Variants in NEB observed in about 807,000 individuals in gnomAD.
NEB encodes nebulin, also known as nemaline myopathy type 2.
NEB carries 512 observed loss-of-function variants against 952.2 expected under a neutral mutation model. That is an observed-to-expected ratio of 0.54 (90% CI 0.50 to 0.58). The LOEUF is 0.58. NEB is among the 20% of genes least tolerant of loss of function. The pLI is 0.00. For missense variants in NEB, 8,428 were observed against 9,231.1 expected (o/e 0.91, Z 3.56); for synonymous variants, 2,900 against 3,149.8 (o/e 0.92, Z 2.66).
intron 28 of NEB, among the ~76,000 whole-genome samples, chr2:151,683,870 A>T (rs2099456135): frequency 6.6e-6 from 1 of 152,338 alleles, no homozygotes; most frequent in Non-Finnish European, 1.5e-5. Context: ...ATACAATAGA[A>T]TATTATTCAC....
chr2:151,521,820 T>G (rs2082166808), intron 153 of NEB, among the ~76,000 whole-genome samples: 1 of 152,236 alleles, frequency 6.6e-6, no homozygotes, highest in African/African-American at 2.4e-5. Flanking sequence ...ATGCAGCTTT[T>G]TACAACTACT....
intron 73 of NEB, 42 bp downstream of exon 73, chr2:151,619,409 G>T (rs753408606): frequency 6.5e-7 from 1 of 1,536,964 alleles, no homozygotes; most frequent in East Asian, 2.3e-5. Context: ...ACACGTTTCA[G>T]ATCCGCTTTT....
chr2:151,686,257 AG>A (rs2099497512), intron 27 of NEB, among the ~76,000 whole-genome samples: 2 of 152,232 alleles, frequency 1.3e-5, no homozygotes, highest in South Asian at 4.1e-4. Context: ...CTTTTTAAAA[AG>A]CCATTCATAT....
intron 153 of NEB, among the ~76,000 whole-genome samples, chr2:151,522,228 T>A (rs1396375410): frequency 6.6e-6 from 1 of 152,206 alleles, no homozygotes; most frequent in African/African-American, 2.4e-5. Context: ...TGAATTGAGA[T>A]GTATACTGGT....
Position 151,485,899 on chromosome 2 carries a change from G to A in NEB, c.25439C>T (p.Ala8480Val). ...CTTGAAGGACACCTCATCTGCATCAGCAGCCATATAGTCATACATGGCACG... is the reference window on the plus strand; with the variant it reads ...CTTGAAGGACACCTCATCTGCATCAACAGCCATATAGTCATACATGGCACG... Reference protein sequence around the residue: ...IFRAMYDYMAADADEVSFKDG... With the variant: ...IFRAMYDYMAVDADEVSFKDG... The change falls in exon 182 of 182, where the codon GCT (alanine) becomes GTT (valine). Residue 8480 changes from alanine (A) to valine (V), a missense_variant. Physicochemically the swap from Ala to Val is moderately conservative, Grantham distance 64 (BLOSUM62 0). This residue lies in a region of NEB where 3,374 missense variants were observed against 3,651.5 expected (regional missense o/e 0.92). Transcript: ENST00000397345. 6.2e-7 allele frequency: 1 copy of A among 1,613,948 alleles called. No individual in the cohort carries two copies. Among genetic ancestry groups the A allele is most frequent in the Non-Finnish European group, 8.5e-7 (1 of 1,179,860 alleles).
Position 151,678,169 on chromosome 2 carries a change from A to T in NEB, c.3274T>A (p.Tyr1092Asn). 1.2e-6 allele frequency: 2 copies of T among 1,608,178 alleles called. No homozygotes were observed. Among genetic ancestry groups the T allele is most frequent in the Non-Finnish European group, 1.7e-6 (2 of 1,176,834 alleles). ...ACCATTTTCCCTTTAGCCTTTTCAT[A>T]GTCTTTTTTGTACTGAACCTATTGT... ...AASDVQYKKD[Y>N]EKAKGKMVGF... The change falls in exon 33 of 182, where the codon TAT becomes AAT. Residue 1092 changes from tyrosine to asparagine, a missense_variant. Physicochemically the swap from Tyr to Asn is moderately radical, Grantham distance 143. Around this residue, in one of 11 missense-constraint regions of NEB, gnomAD observed 2,851 missense variants for 2,791.5 expected, o/e 1.02. Transcript: ENST00000397345.
chr2:151,608,851 C>T (rs556896885), intron 81 of NEB, among the ~76,000 whole-genome samples, 175 bp from the exon 82 acceptor site: 3 of 91,214 alleles, frequency 3.3e-5, no homozygotes, highest in African/African-American at 8.2e-5. Context: ...TGCAGTGAGC[C>T]GAGACTGTGC....
chr2:151,561,099 T>G lies in NEB; in HGVS notation c.19111A>C (p.Lys6371Gln), dbSNP rs1379234218. Reference protein sequence around the residue: ...SGINASEVKYKENYHQIKDKY... With the variant: ...SGINASEVKYQENYHQIKDKY... Reference sequence around the variant, plus strand: ...TCCTTAATCTGATGATAATTTTCTTTATATTTTACCTGTAGACAAGCAACA... The same window carrying G: ...TCCTTAATCTGATGATAATTTTCTTGATATTTTACCTGTAGACAAGCAACA... The change falls in exon 123 of 182, where the codon AAA (lysine) becomes CAA (glutamine). Residue 6371 changes from lysine to glutamine, a missense_variant. Physicochemically the swap from Lys to Gln is moderately conservative, Grantham distance 53. Coordinates refer to ENST00000397345, the MANE Select transcript of NEB (RefSeq NM_001164508.2). 1.9e-6 allele frequency: 3 copies of G among 1,586,914 alleles called. No homozygotes were observed. The highest frequency in any genetic ancestry group is 2.6e-6 in the Non-Finnish European group (3 of 1,162,032).
intron 146 of NEB, among the ~76,000 whole-genome samples, chr2:151,528,995 T>A (rs1371884437): frequency 6.6e-6 from 1 of 152,218 alleles, no homozygotes; most frequent in Non-Finnish European, 1.5e-5. Flanking sequence ...ATCCATGGCA[T>A]GGGATGAAGC....
rs1022255644 is a variant in NEB, at chr2:151,570,283, T to C, written c.17228A>G (p.Asn5743Ser). 5 of 1,613,528 alleles carry C rather than the reference T, an allele frequency of 3.1e-6. No homozygotes were observed. The highest frequency in any genetic ancestry group is 2.5e-6 in the Non-Finnish European group (3 of 1,179,590). The stretch of plus-strand genomic sequence containing the variant: ...CCAGTCCAGCCGGTACTCTCGTTCA[T>C]TCTGGAGCTTGTCAGCTATGAGGGC... ...RWALIADKLQ[N>S]EREYRLDWAK... is the part of the protein sequence containing the mutation. The change falls in exon 109 of 182, where the codon AAT becomes AGT. Residue 5743 changes from asparagine to serine, a missense_variant. By Grantham distance (46) the Asn-to-Ser change is conservative. Coordinates refer to ENST00000397345, the MANE Select transcript of NEB (RefSeq NM_001164508.2).
At chr2:151,704,960 T>G (rs2099699088) in intron 13 of NEB, among the ~76,000 whole-genome samples, 1 of 152,186 alleles carries the variant, frequency 6.6e-6, no homozygotes, top group Admixed American at 6.5e-5. Flanking sequence ...TCTTGTGTAT[T>G]TGTAAATTGC....
intron 145 of NEB, 47 bp downstream of exon 145, chr2:151,530,947 G>T: frequency 7.8e-7 from 1 of 1,279,682 alleles, no homozygotes; most frequent in Non-Finnish European, 1.1e-6. Context: ...CATCTCATTA[G>T]AAGGAGGCCA....
chr2:151,525,370 C>T, intron 150 of NEB, 97 bp from the exon 151 acceptor site: 1 of 881,276 alleles, frequency 1.1e-6, no homozygotes, highest in Admixed American at 2.1e-5. Flanking sequence ...ATCCATGCTC[C>T]CCATTTTGGC....
intron 63 of NEB, among the ~76,000 whole-genome samples, chr2:151,638,223 A>G (rs915242588): frequency 3.3e-5 from 5 of 152,256 alleles, no homozygotes; most frequent in African/African-American, 9.6e-5. Context: ...GTGCACCAGC[A>G]GTGACAGCTG....
chr2:151,498,810 T>G (rs549612614), intron 169 of NEB, among the ~76,000 whole-genome samples: 2 of 151,932 alleles, frequency 1.3e-5, no homozygotes, highest in Admixed American at 1.3e-4. Context: ...TCAAAAGAAG[T>G]CAGAGTATTT....
rs367851383 is a variant in NEB at position 151,560,671 on chromosome 2, A to C, written c.19235T>G (p.Val6412Gly). 2 of 1,611,700 alleles carry C rather than the reference A, an allele frequency of 1.2e-6. No individual in the cohort carries two copies. The highest frequency in any genetic ancestry group is 1.7e-6 in the Non-Finnish European group (2 of 1,179,072). Residue 6412 changes from valine to glycine, a missense_variant, in exon 124 of 182, where the codon GTG becomes GGG. Physicochemically the swap from Val to Gly is moderately radical, Grantham distance 109 (BLOSUM62 -3). Coordinates refer to ENST00000397345, the MANE Select transcript of NEB (RefSeq NM_001164508.2). ...AGGCAGGATGTAGCTGGTGGCTTTCACTCTATCCCAGGCCTCCTTGTACAG... is the reference window on the plus strand; with the variant it reads ...AGGCAGGATGTAGCTGGTGGCTTTCCCTCTATCCCAGGCCTCCTTGTACAG... The part of the protein sequence containing the change: ...SNLYKEAWDR[V>G]KATSYILPSS...
Position 151,519,784 on chromosome 2 carries a change from A to G in NEB, c.22480-16T>C, listed in dbSNP as rs780625904. 17 of 1,510,312 alleles carry G rather than the reference A, an allele frequency of 1.1e-5. No homozygotes were observed. Among genetic ancestry groups the G allele is most frequent in the South Asian group, 2.3e-5 (2 of 88,788 alleles). The allele number at this position is 1,510,312 out of a possible 1,614,324, so 93.6% of individuals were successfully genotyped here. A position where few individuals can be genotyped will look rare whatever the true frequency, so the allele number is the denominator to read the frequency against. The stretch of plus-strand genomic sequence containing the variant: ...GGTATTTAACCTAACAGCAAATGCA[A>G]ACATCCAAATTATTCCTGGACATCA... On this transcript the variant is annotated splice_polypyrimidine_tract_variant and intron_variant, in intron 153 of 181. Coordinates refer to ENST00000397345, the MANE Select transcript of NEB (RefSeq NM_001164508.2).
chr2:151,509,368 G>C (rs1210785884), intron 161 of NEB, among the ~76,000 whole-genome samples: 2 of 151,532 alleles, frequency 1.3e-5, no homozygotes, highest in Middle Eastern at 3.4e-3. Context: ...AGAAACAATC[G>C]TCCTTTTATT....
At chr2:151,667,677 G>A (rs532370784) in intron 40 of NEB, 127 bp downstream of exon 40, 5 of 581,876 alleles carry the variant, frequency 8.6e-6, no homozygotes, top group African/African-American at 1.9e-5. Flanking sequence ...ACAGGTACAC[G>A]CCACCACATC....
Sources: gnomAD v4.1 joint callset for allele counts (sites outside exome capture counted in the v4.1 genomes callset) on GRCh38, gnomAD v4.1.1 for gene constraint, gnomAD v4.1.1 regional missense constraint, MANE v1.5 for transcripts, NCBI Gene and HGNC (gene_info 2026-07-23, HGNC 2026-07-21) for gene names.